PCSK2: variants seen among roughly 807,000 people sequenced by gnomAD.
PCSK2 encodes neuroendocrine convertase 2.
A neutral mutation model predicts 69.7 loss-of-function variants in PCSK2; 14 were observed. The ratio of observed to expected loss-of-function variants is 0.20; its 90% CI spans 0.13 to 0.31. The LOEUF (loss-of-function observed/expected upper bound fraction) is 0.31, where lower values mean the gene tolerates loss of function less well. Among genes scored for constraint, PCSK2 ranks in the 10% least tolerant of loss-of-function variants. The pLI, the probability that PCSK2 is intolerant of heterozygous loss-of-function variation, is 1.00. For missense variants in PCSK2, 544 were observed against 842.5 expected (o/e 0.65, Z 4.39); for synonymous variants, 307 against 320.7 (o/e 0.96, Z 0.46).
At chr20:17,333,732 C>T (rs377463537) in intron 2 of PCSK2, among the ~76,000 whole-genome samples, 1 of 151,888 alleles carries the variant, frequency 6.6e-6, no homozygotes. Context: ...GCCTCATCCA[C>T]TTTCTACCTG....
At chr20:17,270,809 A>T (rs927930355) in intron 2 of PCSK2, among the ~76,000 whole-genome samples, 2 of 152,114 alleles carry the variant, frequency 1.3e-5, no homozygotes, top group African/African-American at 4.8e-5. Flanking sequence ...TAGGGAGAAA[A>T]GGAACATGAT....
At chr20:17,325,380 A>C (rs1311496368) in intron 2 of PCSK2, among the ~76,000 whole-genome samples, 1 of 152,250 alleles carries the variant, frequency 6.6e-6, no homozygotes, top group Non-Finnish European at 1.5e-5. Context: ...CTTTTGGCTT[A>C]GAGGTGAGGC....
At chr20:17,338,114 C>A (rs1196661154) in intron 2 of PCSK2, among the ~76,000 whole-genome samples, 1 of 149,614 alleles carries the variant, frequency 6.7e-6, no homozygotes, top group Non-Finnish European at 1.5e-5. Context: ...CACTTCCACA[C>A]CTGCATTCCC....
chr20:17,412,048 G>A (rs112674415), intron 6 of PCSK2, among the ~76,000 whole-genome samples: 3,029 of 152,218 alleles, frequency 0.02, 53 homozygotes, highest in African/African-American at 0.041. Flanking sequence ...AAGACCAAAG[G>A]TAGATAAAAC....
intron 6 of PCSK2, among the ~76,000 whole-genome samples, chr20:17,412,722 A>C (rs1361646319): frequency 1.3e-5 from 2 of 152,194 alleles, no homozygotes. Context: ...TCCAAGACAC[A>C]TACTTGTCAG....
chr20:17,418,479 G>A (rs2032050520), intron 6 of PCSK2, among the ~76,000 whole-genome samples: 1 of 152,198 alleles, frequency 6.6e-6, no homozygotes, highest in South Asian at 2.1e-4. Context: ...GGAGGCTGGT[G>A]CAGGAGGCAG....
chr20:17,249,614 G>A (rs1049668578), intron 1 of PCSK2, among the ~76,000 whole-genome samples: 2 of 152,038 alleles, frequency 1.3e-5, no homozygotes, highest in Admixed American at 6.5e-5. Flanking sequence ...GTCCATCAAC[G>A]GATGAATGGA....
intron 11 of PCSK2, among the ~76,000 whole-genome samples, chr20:17,467,077 G>C (rs1004646271): frequency 1.3e-5 from 2 of 152,202 alleles, no homozygotes; most frequent in African/African-American, 4.8e-5. Context: ...CCTGGCCAGA[G>C]TCCAACCCCT....
At chr20:17,287,062 T>G (rs1003272301) in intron 2 of PCSK2, among the ~76,000 whole-genome samples, 4 of 152,132 alleles carry the variant, frequency 2.6e-5, no homozygotes, top group African/African-American at 9.7e-5. Flanking sequence ...CGGACCATAG[T>G]CTTTTCTCCT....
At chr20:17,247,675 G>A (rs549682323) in intron 1 of PCSK2, among the ~76,000 whole-genome samples, 10 of 152,350 alleles carry the variant, frequency 6.6e-5, no homozygotes, top group African/African-American at 2.4e-4. Context: ...CTGAGAACAA[G>A]CGAATGCACA....
At chr20:17,409,420 C>T (rs769292335) in intron 6 of PCSK2, 81 bp downstream of exon 6, 101 of 918,608 alleles carry the variant, frequency 1.1e-4, no homozygotes, top group Non-Finnish European at 1.6e-4. Flanking sequence ...GCTTGACTAC[C>T]ACCAGCAAAA....
chr20:17,303,492 TTTAATATAA>T (rs1989198819), intron 2 of PCSK2, among the ~76,000 whole-genome samples: 1 of 57,776 alleles, frequency 1.7e-5, no homozygotes, highest in Non-Finnish European at 3.6e-5. Context: ...ATATATTATA[TTTAATATAA>T]TATATATTAT....
chr20:17,294,842 C>G (rs1315877298), intron 2 of PCSK2, among the ~76,000 whole-genome samples: 1 of 152,058 alleles, frequency 6.6e-6, no homozygotes, highest in Non-Finnish European at 1.5e-5. Context: ...GCCTGTTTTC[C>G]TCCATCTCCT....
At chr20:17,374,700 A>G (rs1267645550) in intron 5 of PCSK2, among the ~76,000 whole-genome samples, 1 of 152,180 alleles carries the variant, frequency 6.6e-6, no homozygotes, top group Non-Finnish European at 1.5e-5. Context: ...TGGGAGCTCA[A>G]TCTCCCTGGG....
At chr20:17,416,577 G>A (rs2032004180) in intron 6 of PCSK2, among the ~76,000 whole-genome samples, 2 of 152,144 alleles carry the variant, frequency 1.3e-5, no homozygotes, top group South Asian at 2.1e-4. Context: ...GTTGGTGGGA[G>A]TGTAAATTGG....
chr20:17,454,000 C>T lies in PCSK2; in HGVS notation c.1101+43C>T, dbSNP rs1297937386. On this transcript the variant is annotated intron_variant, in intron 9 of 11. Transcript: ENST00000262545. This position sits in a 1 kb window ranked among gnomAD's most constrained non-coding sequence, Gnocchi z 4.0. ...TGTCCTTGTTTCCTTAGGGCCACTG[C>T]ACCTCTGTGTCAGGGTGGGATGCTG... 3 of 1,609,576 alleles carry T rather than the reference C, an allele frequency of 1.9e-6. No individual in the cohort carries two copies. The highest frequency in any genetic ancestry group is 8.5e-7 in the Non-Finnish European group (1 of 1,178,018).
At chr20:17,345,651 G>A (rs924593272) in intron 2 of PCSK2, among the ~76,000 whole-genome samples, 1 of 152,166 alleles carries the variant, frequency 6.6e-6, no homozygotes. Context: ...GAGAATTTGA[G>A]GCCCTACCTC....
chr20:17,425,931 G>A (rs1388936210), intron 6 of PCSK2, among the ~76,000 whole-genome samples: 2 of 152,160 alleles, frequency 1.3e-5, no homozygotes, highest in East Asian at 1.9e-4. Flanking sequence ...ACATACAAGT[G>A]CAAGGGAGGA....
Position 17,453,986 on chromosome 20 carries a change from C to G in PCSK2, c.1101+29C>G. 1 of 1,612,908 alleles carries G rather than the reference C, an allele frequency of 6.2e-7. No individual in the cohort carries two copies. The highest frequency in any genetic ancestry group is 8.5e-7 in the Non-Finnish European group (1 of 1,179,540). ...AGCACGTCCCCTTCTGTCCTTGTTT[C>G]CTTAGGGCCACTGCACCTCTGTGTC... On this transcript the variant is annotated intron_variant, in intron 9 of 11. Transcript: ENST00000262545. This position sits in a 1 kb window ranked among gnomAD's most constrained non-coding sequence, Gnocchi z 4.0.
Sources: gnomAD v4.1 joint callset for allele counts (sites outside exome capture counted in the v4.1 genomes callset) on GRCh38, gnomAD v4.1.1 for gene constraint, Gnocchi (gnomAD v3.1) non-coding constraint, MANE v1.5 for transcripts, NCBI Gene and HGNC (gene_info 2026-07-23, HGNC 2026-07-21) for gene names.